ITPR1: variants seen among roughly 807,000 people sequenced by gnomAD.
ITPR1 encodes the protein inositol 1,4,5-trisphosphate-gated calcium channel ITPR1.
In ITPR1, 96 loss-of-function variants were observed where a neutral mutation model predicts 318.4. The ratio of observed to expected loss-of-function variants is 0.30; its 90% CI spans 0.26 to 0.36. ITPR1 has a LOEUF of 0.36. Among genes scored for constraint, ITPR1 ranks in the 10% least tolerant of loss-of-function variants. The pLI is 1.00. For synonymous variants in ITPR1, 1,312 were observed against 1,289.9 expected, an observed-to-expected ratio of 1.02 and a Z score of -0.37; for missense variants, 2,440 against 3,460.2, an observed-to-expected ratio of 0.71 and a Z score of 7.40.
At chr3:4,822,676 A>G (rs1312796805) in intron 60 of ITPR1, among the ~76,000 whole-genome samples, 3 of 152,188 alleles carry the variant, frequency 2.0e-5, no homozygotes, top group African/African-American at 7.2e-5. Flanking sequence ...GTTCACTGGT[A>G]GATTTGTCCT....
chr3:4,651,421 C>T (rs1224945572), intron 10 of ITPR1, among the ~76,000 whole-genome samples: 2 of 152,178 alleles, frequency 1.3e-5, no homozygotes, highest in East Asian at 3.9e-4. Flanking sequence ...ATTCTTCCTC[C>T]CTATGCTGCC....
intron 7 of ITPR1, among the ~76,000 whole-genome samples, chr3:4,642,619 T>C (rs1342942580): frequency 6.6e-6 from 1 of 152,164 alleles, no homozygotes; most frequent in African/African-American, 2.4e-5. Context: ...TCATAAAGGA[T>C]AGAGGATGGA....
chr3:4,704,017 A>G (rs1396731160), intron 36 of ITPR1, among the ~76,000 whole-genome samples: 1 of 152,236 alleles, frequency 6.6e-6, no homozygotes, highest in Non-Finnish European at 1.5e-5. Flanking sequence ...AGAAAGCCAA[A>G]TACCACACGT....
intron 4 of ITPR1, among the ~76,000 whole-genome samples, chr3:4,557,472 C>T (rs963301506): frequency 2.9e-4 from 44 of 152,122 alleles, no homozygotes; most frequent in Non-Finnish European, 1.3e-4. Flanking sequence ...AACCATATCA[C>T]TGTGTCATTC....
chr3:4,776,799 T>A (rs1485381855), intron 47 of ITPR1, among the ~76,000 whole-genome samples: 5 of 152,170 alleles, frequency 3.3e-5, no homozygotes, highest in African/African-American at 1.2e-4. Flanking sequence ...AACGGAGATG[T>A]TACCTGGGGG....
chr3:4,745,258 G>C (rs894036386), intron 44 of ITPR1, among the ~76,000 whole-genome samples: 6 of 150,460 alleles, frequency 4.0e-5, no homozygotes, highest in African/African-American at 1.2e-4. Context: ...TTCTTCCCTA[G>C]AGTCATCTCT....
chr3:4,540,668 A>G (rs2084356883), intron 4 of ITPR1, among the ~76,000 whole-genome samples: 1 of 151,974 alleles, frequency 6.6e-6, no homozygotes, highest in Non-Finnish European at 1.5e-5. Context: ...GCTTGCTGTA[A>G]TCTCTGCCTC....
At chr3:4,837,477 G>A (rs1409886517) in intron 61 of ITPR1, among the ~76,000 whole-genome samples, 1 of 152,030 alleles carries the variant, frequency 6.6e-6, no homozygotes, top group Non-Finnish European at 1.5e-5. Context: ...GGATAAAACA[G>A]TGAACAATAT....
chr3:4,704,656 G>T (rs1314876620), intron 36 of ITPR1, among the ~76,000 whole-genome samples: 1 of 152,144 alleles, frequency 6.6e-6, no homozygotes, highest in Admixed American at 6.5e-5. Flanking sequence ...TTTAGCAAGT[G>T]GTTGACTTGA....
chr3:4,729,298 G>C (rs551882912), intron 42 of ITPR1, among the ~76,000 whole-genome samples: 7 of 152,170 alleles, frequency 4.6e-5, no homozygotes, highest in Non-Finnish European at 1.0e-4. Flanking sequence ...AGTGAGCTGT[G>C]CACATGAAGC....
At chr3:4,770,597 G>A (rs142144937) in intron 46 of ITPR1, among the ~76,000 whole-genome samples, 1 of 152,250 alleles carries the variant, frequency 6.6e-6, no homozygotes, top group East Asian at 1.9e-4. Context: ...CTTTTCTTTG[G>A]TGCCTGGCCC....
chr3:4,641,562 G>T (rs923667409), intron 6 of ITPR1, among the ~76,000 whole-genome samples: 1 of 152,140 alleles, frequency 6.6e-6, no homozygotes, highest in African/African-American at 2.4e-5. Flanking sequence ...ATTTTGTAGA[G>T]ACAAGATCTC....
chr3:4,705,312 C>G (rs2094734167), intron 36 of ITPR1, among the ~76,000 whole-genome samples: 1 of 152,172 alleles, frequency 6.6e-6, no homozygotes, highest in Non-Finnish European at 1.5e-5. Context: ...AAATCCCTCA[C>G]CCATTGTCAC....
intron 12 of ITPR1, among the ~76,000 whole-genome samples, chr3:4,656,115 G>A (rs913244644): frequency 3.3e-5 from 5 of 152,222 alleles, no homozygotes; most frequent in African/African-American, 1.2e-4. Context: ...GACCACCAGA[G>A]GCTCCCGCTC....
Position 4,766,701 on chromosome 3 carries a change from C to A in ITPR1, c.5716C>A (p.Arg1906=), listed in dbSNP as rs748153130. ...DDEVDRDAPS[R]KKAKEPTTQI... ...TGAGGTAGACAGGGATGCCCCATCA[C>A]GGAAAAAAGGTAAATGTTCCTCAGT... Residue 1906 remains arginine (R), a synonymous_variant, in exon 45 of 62, where the codon CGG becomes AGG. Coordinates refer to ENST00000649015, the MANE Select transcript of ITPR1 (RefSeq NM_001378452.1). The A allele has an allele frequency of 1.3e-6, 2 of 1,592,232 alleles. No homozygotes were observed. The highest frequency in any genetic ancestry group is 1.8e-5 in the Admixed American group (1 of 55,950).
chr3:4,823,532 T>C (rs993094826), intron 60 of ITPR1, among the ~76,000 whole-genome samples: 4 of 152,306 alleles, frequency 2.6e-5, no homozygotes, highest in South Asian at 4.1e-4. Flanking sequence ...GAGGCCATTA[T>C]CTGAAGTGAA....
intron 4 of ITPR1, among the ~76,000 whole-genome samples, chr3:4,612,106 C>T (rs1403946922): frequency 2.3e-5 from 3 of 129,994 alleles, no homozygotes; most frequent in Admixed American, 9.1e-5. Flanking sequence ...CACTCTGTCA[C>T]CCAGGCTGGA....
At position 4,818,067 on chromosome 3, in the gene ITPR1, T is replaced by C; in HGVS notation, c.7868-15T>C. 1 of 1,589,672 alleles carries C rather than the reference T, an allele frequency of 6.3e-7. No homozygotes were observed. The highest frequency in any genetic ancestry group is 1.7e-5 in the Admixed American group (1 of 58,692). On this transcript the variant is annotated splice_polypyrimidine_tract_variant and intron_variant, in intron 59 of 61. Coordinates refer to ENST00000649015, the MANE Select transcript of ITPR1 (RefSeq NM_001378452.1). ...CTGCTCAGCTGGGGCTGGGGGCTTTTTGTCTCATTTTTAGGCTTGGAAAGA... is the reference window on the plus strand; with the variant it reads ...CTGCTCAGCTGGGGCTGGGGGCTTTCTGTCTCATTTTTAGGCTTGGAAAGA...
chr3:4,681,954 A>G (rs2094311362), intron 26 of ITPR1, among the ~76,000 whole-genome samples: 1 of 152,212 alleles, frequency 6.6e-6, no homozygotes, highest in Non-Finnish European at 1.5e-5. Context: ...TTAAGACATT[A>G]TTATAATTAT....
Sources: allele counts gnomAD v4.1 joint callset (sites outside exome capture counted in the v4.1 genomes callset), GRCh38; gene constraint gnomAD v4.1.1; transcripts MANE v1.5; gene names NCBI Gene and HGNC (gene_info 2026-07-23, HGNC 2026-07-21).